GRXCR2: variants seen among roughly 807,000 people sequenced by gnomAD.
GRXCR2 encodes glutaredoxin domain-containing cysteine-rich protein 2.
GRXCR2 carries 23 observed loss-of-function variants against 24.8 expected under a neutral mutation model. The observed-to-expected ratio is 0.93, with a 90% confidence interval of 0.67 to 1.32. GRXCR2 has a LOEUF of 1.32. Ranked by LOEUF, GRXCR2 falls within the 40% of genes most tolerant of loss-of-function variation. The probability of loss-of-function intolerance (pLI) is 0.00; values close to 1 mark genes in which losing one functional copy is unlikely to be tolerated. For missense variants in GRXCR2, 315 were observed against 303.4 expected (o/e 1.04, Z -0.28); for synonymous variants, 130 against 116.1 (o/e 1.12, Z -0.77).
chr5:145,898,761 G>C (rs1489221655), intron 2 of GRXCR2, among the ~76,000 whole-genome samples: 2 of 151,976 alleles, frequency 1.3e-5, no homozygotes, highest in Non-Finnish European at 2.9e-5. Flanking sequence ...AGGCATCATA[G>C]GAACATACCT....
chr5:145,883,653 G>A lies in GRXCR2; in HGVS notation c.-69-16925C>T, dbSNP rs571047374. ...CATGCCTGTAATCCTAGCACTTTGG[G>A]AGGCCGAGGCAGGTGGCTCGCTTGA... On this transcript the variant is annotated intron_variant, in intron 2 of 3. Coordinates refer to the GRXCR2 transcript ENST00000639411. 1.3e-4 allele frequency among the ~76,000 whole-genome samples: 20 copies of A among 152,308 alleles called. No individual in the cohort carries two copies. The South Asian group carries it at 4.1e-3, about 32-fold the overall frequency.
intron 2 of GRXCR2, among the ~76,000 whole-genome samples, chr5:145,911,913 A>AC (rs1757172103): frequency 6.6e-6 from 1 of 152,128 alleles, no homozygotes; most frequent in African/African-American, 2.4e-5. Flanking sequence ...ACATAGTGAG[A>AC]CCCCATCTGT....
chr5:145,890,955 G>T (rs987213465), intron 2 of GRXCR2, among the ~76,000 whole-genome samples: 1 of 151,842 alleles, frequency 6.6e-6, no homozygotes, highest in Non-Finnish European at 1.5e-5. Context: ...TAGAAATCAA[G>T]AAAAAGCAGG....
In GRXCR2 at chr5:145,872,656, C is replaced by G; in HGVS notation, c.313G>C (p.Asp105His). The change falls in exon 1 of 3, where the codon GAT becomes CAT. Residue 105 changes from aspartate to histidine, a missense_variant. Transcript: ENST00000377976. ...TLAGGQPRFN[D>H]YKANDHKPLP... ...ACCTTATGGTCATTCGCCTTGTAATCGTTGAACCGAGGCTGGCCGCCTGCC... is the reference window on the plus strand; with the variant it reads ...ACCTTATGGTCATTCGCCTTGTAATGGTTGAACCGAGGCTGGCCGCCTGCC... 6.2e-7 allele frequency: 1 copy of G among 1,605,352 alleles called. No individual in the cohort carries two copies. Among genetic ancestry groups the G allele is most frequent in the Admixed American group, 1.7e-5 (1 of 59,534 alleles).
At chr5:145,905,298 T>G (rs992978968) in intron 2 of GRXCR2, among the ~76,000 whole-genome samples, 2 of 152,310 alleles carry the variant, frequency 1.3e-5, no homozygotes, top group Middle Eastern at 3.4e-3. Context: ...AAAATAGAGA[T>G]AATACCCAGT....
chr5:145,924,600 A>C (rs1201733474), intron 2 of GRXCR2, among the ~76,000 whole-genome samples: 1 of 152,192 alleles, frequency 6.6e-6, no homozygotes, highest in African/African-American at 2.4e-5. Flanking sequence ...TTATTTAATA[A>C]ATGTGGCAAA....
intron 2 of GRXCR2, among the ~76,000 whole-genome samples, chr5:145,914,304 T>G (rs1201323905): frequency 6.6e-6 from 1 of 152,110 alleles, no homozygotes; most frequent in African/African-American, 2.4e-5. Context: ...TTTCACTTGG[T>G]CTAAGTTGGG....
At chr5:145,881,287 T>C (rs1756697233) in intron 2 of GRXCR2, among the ~76,000 whole-genome samples, 1 of 152,228 alleles carries the variant, frequency 6.6e-6, no homozygotes, top group Non-Finnish European at 1.5e-5. Flanking sequence ...AACCCTATTG[T>C]CTCAGCCCAA....
intron 1 of GRXCR2, 79 bp downstream of exon 1, chr5:145,872,554 C>A: frequency 7.9e-7 from 1 of 1,259,592 alleles, no homozygotes; most frequent in East Asian, 2.4e-5. Context: ...AGACACAAAT[C>A]TGAACCATTT....
At chr5:145,890,631 A>G (rs142288841) in intron 2 of GRXCR2, among the ~76,000 whole-genome samples, 1 of 152,226 alleles carries the variant, frequency 6.6e-6, no homozygotes, top group Non-Finnish European at 1.5e-5. Flanking sequence ...AGTTTTAAAC[A>G]TGGAAGCAAA....
intron 2 of GRXCR2, among the ~76,000 whole-genome samples, chr5:145,861,724 G>A (rs1242903887): frequency 6.6e-6 from 1 of 152,130 alleles, no homozygotes; most frequent in African/African-American, 2.4e-5. Flanking sequence ...AACCCTTCCT[G>A]TTCTTAAATT....
rs115940563 is a variant in GRXCR2, at chr5:145,891,290, G to A, written c.-69-24562C>T. ...GGGGAATGTCAGACAGTGGGTGCAGGACAGTGGGTTCAGCACACCGAGCAT... is the reference window on the plus strand; with the variant it reads ...GGGGAATGTCAGACAGTGGGTGCAGAACAGTGGGTTCAGCACACCGAGCAT... On this transcript the variant is annotated intron_variant, in intron 2 of 3. Coordinates refer to the GRXCR2 transcript ENST00000639411. Among the ~76,000 whole-genome samples the A allele has an allele frequency of 5.0e-3, 763 of 152,216 alleles. 4 individuals carry two copies. Among genetic ancestry groups the A allele is most frequent in the African/African-American group, 0.018 (727 of 41,520 alleles).
At chr5:145,884,299 GA>G (rs1272253370) in intron 2 of GRXCR2, among the ~76,000 whole-genome samples, 1 of 151,838 alleles carries the variant, frequency 6.6e-6, no homozygotes, top group African/African-American at 2.4e-5. Flanking sequence ...ATATATCAAC[GA>G]AAAAATGTTG....
intron 2 of GRXCR2, among the ~76,000 whole-genome samples, chr5:145,902,116 G>T (rs1458107683): frequency 3.3e-5 from 5 of 151,916 alleles, no homozygotes; most frequent in Admixed American, 6.6e-5. Context: ...TTTTTAGAGA[G>T]ATGGGGTCTT....
In GRXCR2 at chr5:145,872,926, T is replaced by A. The variant is rs766500099; in HGVS notation, c.43A>T (p.Lys15Ter). 1.2e-6 allele frequency: 2 copies of A among 1,614,094 alleles called. No individual in the cohort carries two copies. Among genetic ancestry groups the A allele is most frequent in the Non-Finnish European group, 1.7e-6 (2 of 1,180,028 alleles). The stretch of plus-strand genomic sequence containing the variant: ...ATTTTAAATCGTACTTTCCGGGGTT[T>A]GCCATCACTCTTCTGATTCAGCTTT... ...EKKLNQKSDG[K>*]PRKVRFKISS... The change falls in exon 1 of 3, where the codon AAA becomes TAA. Residue 15 changes from lysine (K) to a stop codon, truncating the protein, a stop_gained. Transcript: ENST00000377976. LOFTEE classifies it high-confidence loss of function.
chr5:145,885,939 A>G (rs542908121), intron 2 of GRXCR2, among the ~76,000 whole-genome samples: 2 of 152,340 alleles, frequency 1.3e-5, no homozygotes, highest in Admixed American at 6.5e-5. Flanking sequence ...CGAAGTGCAG[A>G]GAGGTTAAGT....
At chr5:145,903,937 G>A (rs972611112) in intron 2 of GRXCR2, among the ~76,000 whole-genome samples, 1 of 152,172 alleles carries the variant, frequency 6.6e-6, no homozygotes, top group African/African-American at 2.4e-5. Flanking sequence ...CAAGCAGGGT[G>A]TTACATGAAG....
At chr5:145,901,007 G>T (rs1478065655) in intron 2 of GRXCR2, among the ~76,000 whole-genome samples, 3 of 152,104 alleles carry the variant, frequency 2.0e-5, no homozygotes, top group Non-Finnish European at 4.4e-5. Flanking sequence ...GGATGCAGCT[G>T]GTGGCCATTA....
chr5:145,909,500 A>C (rs1462614978), intron 2 of GRXCR2, among the ~76,000 whole-genome samples: 1 of 152,202 alleles, frequency 6.6e-6, no homozygotes, highest in Non-Finnish European at 1.5e-5. Flanking sequence ...GACTTTCCTG[A>C]CCATCAAACT....
Sources: allele counts gnomAD v4.1 joint callset (sites outside exome capture counted in the v4.1 genomes callset), GRCh38; gene constraint gnomAD v4.1.1; transcripts MANE v1.5; gene names NCBI Gene and HGNC (gene_info 2026-07-23, HGNC 2026-07-21).